Variants in ASPRV1 observed in about 807,000 individuals in gnomAD.
The protein encoded by ASPRV1 is retroviral-like aspartic protease 1.
Under a neutral mutation model 11.0 loss-of-function variants are expected in ASPRV1, and 7 were observed. The observed-to-expected ratio is 0.64, with a 90% CI of 0.36 to 1.20. The LOEUF (loss-of-function observed/expected upper bound fraction) is 1.20. ASPRV1 is among the 50% of genes most tolerant of loss of function. The probability of loss-of-function intolerance (pLI) is 0.02; values close to 1 mark genes in which losing one functional copy is unlikely to be tolerated. For synonymous variants in ASPRV1, 136 were observed against 138.4 expected, an observed-to-expected ratio of 0.98 and a Z score of 0.12; for missense variants, 299 against 320.0, an observed-to-expected ratio of 0.93 and a Z score of 0.50.
the ASPRV1 span, chr2:70,086,898 G>A: frequency 6.6e-6 from 1 of 152,258 alleles, no homozygotes; most frequent in African/African-American, 2.4e-5. Context: ...CCGCCGGGGA[G>A]CAGGAGCTGG....
the ASPRV1 span, among the ~76,000 whole-genome samples, chr2:69,968,037 G>A: frequency 6.6e-6 from 1 of 152,098 alleles, no homozygotes; most frequent in Non-Finnish European, 1.5e-5. Context: ...AGCTAAGATA[G>A]AGCCACTGCA....
the ASPRV1 span, among the ~76,000 whole-genome samples, chr2:69,984,965 T>A: frequency 6.6e-6 from 1 of 151,812 alleles, no homozygotes; most frequent in Non-Finnish European, 1.5e-5. Flanking sequence ...CACGCCATTC[T>A]CCTGCCTCAG....
chr2:69,949,651 A>C, the ASPRV1 span, among the ~76,000 whole-genome samples: 3 of 152,244 alleles, frequency 2.0e-5, no homozygotes, highest in African/African-American at 7.2e-5. Flanking sequence ...TTAATGCAGC[A>C]TGAAGGTGAA....
At chr2:70,083,066 G>A in the ASPRV1 span, among the ~76,000 whole-genome samples, 1 of 152,144 alleles carries the variant, frequency 6.6e-6, no homozygotes, top group East Asian at 1.9e-4. Context: ...AGGGAAAAGA[G>A]GGAAGAGATT....
the ASPRV1 span, among the ~76,000 whole-genome samples, chr2:70,065,831 A>G: frequency 6.7e-6 from 1 of 148,916 alleles, no homozygotes; most frequent in Non-Finnish European, 1.5e-5. Flanking sequence ...AAAAAAAAAA[A>G]AAAAAAAAAA....
At chr2:70,001,747 C>T in the ASPRV1 span, among the ~76,000 whole-genome samples, 1 of 151,704 alleles carries the variant, frequency 6.6e-6, no homozygotes, top group Admixed American at 6.6e-5. Flanking sequence ...GCAGCAAGAG[C>T]GAAACTCCAT....
At chr2:69,948,700 A>AG in the ASPRV1 span, among the ~76,000 whole-genome samples, 22 of 152,160 alleles carry the variant, frequency 1.4e-4, no homozygotes, top group African/African-American at 4.8e-4. Context: ...GCCCCGAGGG[A>AG]GGGGGCTGCC....
chr2:69,993,333 C>G, the ASPRV1 span: 1 of 152,404 alleles, frequency 6.6e-6, no homozygotes, highest in Non-Finnish European at 1.5e-5. Context: ...CAGGAAGTGT[C>G]CAGCTCAGAG....
chr2:70,085,622 C>T, the ASPRV1 span: 5 of 146,626 alleles, frequency 3.4e-5, no homozygotes, highest in African/African-American at 1.1e-4. Context: ...TGTTTGTCTT[C>T]CTCTGTTTAA....
At chr2:70,001,298 G>T in the ASPRV1 span, among the ~76,000 whole-genome samples, 2 of 152,190 alleles carry the variant, frequency 1.3e-5, no homozygotes, top group Non-Finnish European at 2.9e-5. Flanking sequence ...GGAGGCCGAG[G>T]AGGATGAATT....
the ASPRV1 span, among the ~76,000 whole-genome samples, chr2:70,011,094 G>T: frequency 6.6e-6 from 1 of 152,076 alleles, no homozygotes; most frequent in African/African-American, 2.4e-5. Flanking sequence ...AATACACACT[G>T]GGACCTCCTT....
chr2:70,032,743 C>G, the ASPRV1 span, among the ~76,000 whole-genome samples: 1 of 152,110 alleles, frequency 6.6e-6, no homozygotes, highest in Admixed American at 6.6e-5. Flanking sequence ...ACCTCTTTAC[C>G]CCTAATGATA....
the ASPRV1 span, among the ~76,000 whole-genome samples, chr2:69,978,439 C>T: frequency 2.6e-5 from 4 of 152,172 alleles, no homozygotes; most frequent in Non-Finnish European, 5.9e-5. Context: ...AGGAAAACAA[C>T]TTTGGGCCCC....
chr2:70,044,574 C>T, the ASPRV1 span, among the ~76,000 whole-genome samples: 6 of 152,358 alleles, frequency 3.9e-5, no homozygotes, highest in African/African-American at 1.2e-4. Flanking sequence ...ATTCTCCTGC[C>T]ACAGCCTCCC....
chr2:70,018,503 CA>C, the ASPRV1 span, among the ~76,000 whole-genome samples: 1 of 152,146 alleles, frequency 6.6e-6, no homozygotes, highest in Non-Finnish European at 1.5e-5. Context: ...CTAGAGGTAT[CA>C]TACTGTCTGT....
the ASPRV1 span, among the ~76,000 whole-genome samples, chr2:70,080,296 G>C: frequency 1.3e-5 from 2 of 151,260 alleles, no homozygotes; most frequent in African/African-American, 4.9e-5. Context: ...GCACCATCTT[G>C]GGTCACTGCA....
chr2:70,040,490 A>G, the ASPRV1 span, among the ~76,000 whole-genome samples: 2 of 152,142 alleles, frequency 1.3e-5, no homozygotes, highest in Non-Finnish European at 2.9e-5. Flanking sequence ...TTTCCCTAAC[A>G]GCCTTCCTAA....
chr2:70,085,589 T>C, the ASPRV1 span: 1 of 152,194 alleles, frequency 6.6e-6, no homozygotes, highest in South Asian at 2.1e-4. Flanking sequence ...TTGTGTGACC[T>C]TGAATTAAGC....
At chr2:70,000,931 G>C in the ASPRV1 span, among the ~76,000 whole-genome samples, 1 of 151,626 alleles carries the variant, frequency 6.6e-6, no homozygotes, top group African/African-American at 2.4e-5. Context: ...AAAAGGAAAA[G>C]GAAAGCAAAC....
Sources: gnomAD v4.1 joint callset for allele counts (sites outside exome capture counted in the v4.1 genomes callset) on GRCh38, gnomAD v4.1.1 for gene constraint, MANE v1.5 for transcripts, NCBI Gene and HGNC (gene_info 2026-07-23, HGNC 2026-07-21) for gene names.